ANO4: variants seen among roughly 807,000 people sequenced by gnomAD.
ANO4 encodes anoctamin-4.
Under a neutral mutation model 141.9 loss-of-function variants are expected in ANO4, and 69 were observed. The observed-to-expected ratio is 0.49, with a 90% CI of 0.40 to 0.59. The LOEUF (loss-of-function observed/expected upper bound fraction) is 0.59. ANO4 is among the 20% of genes least tolerant of loss of function. ANO4 has a pLI of 0.00. For synonymous variants in ANO4, 350 were observed against 394.3 expected (o/e 0.89, Z 1.33); for missense variants, 894 against 1,162.2 (o/e 0.77, Z 3.36).
In ANO4 at chr12:100,878,954, A is replaced by C. The variant is rs578198029; in HGVS notation, c.-140-22692A>C. On this transcript the variant is annotated intron_variant, in intron 1 of 27. Transcript: ENST00000392977. ...TACCTGAGTTAGTGCATCTCAAGTAACCAACCCCTGGGAAGGTGTTTTATT... is the reference window on the plus strand; with the variant it reads ...TACCTGAGTTAGTGCATCTCAAGTACCCAACCCCTGGGAAGGTGTTTTATT... Among the ~76,000 whole-genome samples, 33 of 152,284 alleles carry C rather than the reference A, an allele frequency of 2.2e-4. 1 individual carries two copies. In the South Asian group the frequency reaches 4.6e-3, roughly 21 times the overall value.
intron 1 of ANO4, among the ~76,000 whole-genome samples, chr12:100,812,434 G>T (rs1222634348): frequency 6.6e-6 from 1 of 152,034 alleles, no homozygotes; most frequent in Non-Finnish European, 1.5e-5. Flanking sequence ...GGCAGCATGA[G>T]ATTATAGGAT....
At position 101,048,336 on chromosome 12, in the gene ANO4, C is replaced by A. The variant is rs756079560; in HGVS notation, c.1252-5C>A. ...TAACTCAGCACCGATTCTTATTATTCACAGGTAACCCACCTTTTTGACAAT... is the reference window on the plus strand; with the variant it reads ...TAACTCAGCACCGATTCTTATTATTAACAGGTAACCCACCTTTTTGACAAT... On this transcript the variant is annotated splice_polypyrimidine_tract_variant and splice_region_variant and intron_variant, in intron 13 of 27. Coordinates refer to ENST00000392977, the MANE Select transcript of ANO4 (RefSeq NM_001286615.2). 3 of 1,613,224 alleles carry A rather than the reference C, an allele frequency of 1.9e-6. No individual in the cohort carries two copies. The highest frequency in any genetic ancestry group is 1.7e-6 in the Non-Finnish European group (2 of 1,179,574).
At chr12:101,017,622 A>G (rs1046309921) in intron 8 of ANO4, among the ~76,000 whole-genome samples, 2 of 152,196 alleles carry the variant, frequency 1.3e-5, no homozygotes, top group Non-Finnish European at 2.9e-5. Context: ...TGGCAGACAG[A>G]GGCAAGCGAG....
chr12:101,111,736 C>T (rs1555305339), intron 24 of ANO4, 26 bp downstream of exon 24: 1 of 1,550,252 alleles, frequency 6.5e-7, no homozygotes, highest in Non-Finnish European at 8.7e-7. Flanking sequence ...AACCACTATA[C>T]AGTTTCTATT....
intron 13 of ANO4, among the ~76,000 whole-genome samples, chr12:101,046,139 G>T (rs1401541355): frequency 1.3e-5 from 2 of 152,222 alleles, no homozygotes; most frequent in African/African-American, 4.8e-5. Flanking sequence ...GGACTTTTCT[G>T]GTCAGTTTCA....
intron 1 of ANO4, among the ~76,000 whole-genome samples, chr12:100,822,239 T>G (rs2036093975): frequency 6.6e-6 from 1 of 152,044 alleles, no homozygotes; most frequent in Non-Finnish European, 1.5e-5. Context: ...TCTGTGCTGC[T>G]GAGCCACAGT....
chr12:100,840,892 T>TG (rs2037207833), intron 1 of ANO4, among the ~76,000 whole-genome samples: 1 of 152,156 alleles, frequency 6.6e-6, no homozygotes. Flanking sequence ...CTTCTCTAAA[T>TG]GCACCATAAC....
chr12:101,044,700 C>G (rs1015610181), intron 13 of ANO4, among the ~76,000 whole-genome samples: 1 of 152,130 alleles, frequency 6.6e-6, no homozygotes, highest in Non-Finnish European at 1.5e-5. Context: ...TGCAGGTGGC[C>G]GGTCTGTGTA....
intron 3 of ANO4, among the ~76,000 whole-genome samples, chr12:100,770,377 G>C (rs1305918181): frequency 6.6e-6 from 1 of 152,168 alleles, no homozygotes; most frequent in Non-Finnish European, 1.5e-5. Flanking sequence ...TAAGAGTTCA[G>C]ATTCTTTCTT....
chr12:100,820,744 G>A (rs2036004617), intron 1 of ANO4, among the ~76,000 whole-genome samples: 1 of 151,986 alleles, frequency 6.6e-6, no homozygotes, highest in Non-Finnish European at 1.5e-5. Flanking sequence ...TCTCCTGAAG[G>A]CCTATTCATC....
chr12:100,919,716 GTATGTATGTGTGTATGTATGTATC>G (rs1357856951), intron 2 of ANO4, among the ~76,000 whole-genome samples: 1 of 137,668 alleles, frequency 7.3e-6, no homozygotes, highest in African/African-American at 2.7e-5. Context: ...ATGTATGTAT[GTATGTATGTGTGTATGTATGTATC>G]TATCTATCTA....
intron 5 of ANO4, among the ~76,000 whole-genome samples, 195 bp downstream of exon 5, chr12:100,942,730 C>G (rs544326266): frequency 6.6e-6 from 1 of 152,260 alleles, no homozygotes; most frequent in South Asian, 2.1e-4. Flanking sequence ...ATTTTAATGC[C>G]AAATGATTCC....
intron 2 of ANO4, among the ~76,000 whole-genome samples, chr12:100,914,726 A>T (rs1593741976): frequency 6.6e-6 from 1 of 152,184 alleles, no homozygotes; most frequent in Non-Finnish European, 1.5e-5. Flanking sequence ...AGCTGAATTC[A>T]TTTCCTTTCT....
Position 101,086,714 on chromosome 12 carries a change from G to C in ANO4, c.1591G>C (p.Val531Leu), listed in dbSNP as rs2049517915. 7.4e-6 allele frequency: 12 copies of C among 1,613,764 alleles called. No homozygotes were observed. Among genetic ancestry groups the C allele is most frequent in the Non-Finnish European group, 1.0e-5 (12 of 1,179,832 alleles). The change falls in exon 17 of 28, where the codon GTC (valine) becomes CTC (leucine). Residue 531 changes from valine to leucine, a missense_variant. This residue lies in a region of ANO4 where 637 missense variants were observed against 909.2 expected (regional missense o/e 0.70). Coordinates refer to ENST00000392977, the MANE Select transcript of ANO4 (RefSeq NM_001286615.2). ...GATCGTCATTTACCGGGTGGTGACTGTCAGCACTTTCGCTGCCTTTAAGTG... is the reference window on the plus strand; with the variant it reads ...GATCGTCATTTACCGGGTGGTGACTCTCAGCACTTTCGCTGCCTTTAAGTG... ...FGIVIYRVVT[V>L]STFAAFKWAL...
chr12:100,878,349 T>C (rs1013110208), intron 1 of ANO4, among the ~76,000 whole-genome samples: 2 of 152,224 alleles, frequency 1.3e-5, no homozygotes, highest in African/African-American at 4.8e-5. Context: ...CACAATGTTG[T>C]GTCCAACACA....
At chr12:100,956,254 C>A (rs1028931244) in intron 5 of ANO4, among the ~76,000 whole-genome samples, 1 of 152,174 alleles carries the variant, frequency 6.6e-6, no homozygotes, top group Non-Finnish European at 1.5e-5. Context: ...CCAGCCATTA[C>A]CTACAAACTT....
intron 1 of ANO4, among the ~76,000 whole-genome samples, chr12:100,861,909 G>A (rs1340415969): frequency 6.6e-6 from 1 of 152,058 alleles, no homozygotes; most frequent in Non-Finnish European, 1.5e-5. Flanking sequence ...GCCTACACAG[G>A]GTGAGGAACA....
chr12:101,084,801 C>T (rs1264988125), intron 16 of ANO4, among the ~76,000 whole-genome samples: 3 of 152,174 alleles, frequency 2.0e-5, no homozygotes, highest in East Asian at 1.9e-4. Context: ...TTAAGCTTTT[C>T]CTGTTCTATG....
At chr12:100,968,944 G>C (rs2043801290) in intron 5 of ANO4, among the ~76,000 whole-genome samples, 1 of 152,174 alleles carries the variant, frequency 6.6e-6, no homozygotes. Flanking sequence ...GTGCCGGGAG[G>C]ACTGACCATA....
Sources: allele counts gnomAD v4.1 joint callset (sites outside exome capture counted in the v4.1 genomes callset), GRCh38; gene constraint gnomAD v4.1.1; regional missense constraint gnomAD v4.1.1; transcripts MANE v1.5; gene names NCBI Gene and HGNC (gene_info 2026-07-23, HGNC 2026-07-21).